Variants in MAP4K5 observed in about 807,000 individuals in gnomAD.
MAP4K5 encodes mitogen-activated protein kinase kinase kinase kinase 5.
Under a neutral mutation model 135.6 loss-of-function variants are expected in MAP4K5, and 82 were observed. The observed-to-expected ratio is 0.60, with a 90% CI of 0.51 to 0.73. The LOEUF is 0.73. MAP4K5 is among the 30% of genes least tolerant of loss of function. The pLI is 0.00. For synonymous variants in MAP4K5, 347 were observed against 335.0 expected, an observed-to-expected ratio of 1.04 and a Z score of -0.39; for missense variants, 907 against 1,010.9, an observed-to-expected ratio of 0.90 and a Z score of 1.39.
At chr14:50,473,104 T>C (rs1388902416) in intron 9 of MAP4K5, among the ~76,000 whole-genome samples, 4 of 152,186 alleles carry the variant, frequency 2.6e-5, no homozygotes, top group Admixed American at 2.0e-4. Flanking sequence ...TTTCTTTATA[T>C]GTCTAAAAGG....
intron 1 of MAP4K5, chr14:50,559,947 ATTTG>A (rs1334900235): frequency 2.0e-5 from 9 of 440,018 alleles, no homozygotes; most frequent in East Asian, 4.2e-5. Context: ...GGTGCTGTTT[ATTTG>A]TTTGTGTTTT....
intron 3 of MAP4K5, among the ~76,000 whole-genome samples, chr14:50,491,869 T>C (rs2037491715): frequency 6.6e-6 from 1 of 151,928 alleles, no homozygotes; most frequent in African/African-American, 2.4e-5. Context: ...GTATTCTTTG[T>C]AGAGCCTGAG....
chr14:50,494,963 A>T (rs56683657), intron 3 of MAP4K5, among the ~76,000 whole-genome samples: 6,414 of 152,252 alleles, frequency 0.042, 146 homozygotes, highest in East Asian at 0.07. Context: ...AAGACCCCAA[A>T]TTATCAAACT....
chr14:50,462,641 A>T (rs376474336), intron 13 of MAP4K5, 24 bp downstream of exon 13: 36 of 1,493,792 alleles, frequency 2.4e-5, no homozygotes, highest in Middle Eastern at 1.7e-4. Context: ...ATTTTCAACT[A>T]TGAGACTGCA....
rs896071745 is a variant in MAP4K5, at chr14:50,476,027, G to A, written c.469+101C>T. 7 of 610,714 alleles carry A rather than the reference G, an allele frequency of 1.1e-5. No individual in the cohort carries two copies. In the South Asian group the frequency reaches 1.8e-4, roughly 16 times the overall value. The allele number at this position is 610,714 out of a possible 1,614,324, so 37.8% of individuals were successfully genotyped here. ...TTACTGCGACTCTTGATATGAAAAT[G>A]AAATCTGCATAATGTTAATTCTCAT... On this transcript the variant is annotated intron_variant, in intron 8 of 32. Coordinates refer to ENST00000682126, the MANE Select transcript of MAP4K5 (RefSeq NM_006575.6).
intron 11 of MAP4K5, 149 bp from the exon 12 acceptor site, chr14:50,464,282 T>C: frequency 1.8e-6 from 1 of 556,306 alleles, no homozygotes. Context: ...CGTGGAAACA[T>C]CTGTGTCAGT....
intron 28 of MAP4K5, among the ~76,000 whole-genome samples, chr14:50,431,306 G>A (rs1332623157): frequency 6.6e-6 from 1 of 151,874 alleles, no homozygotes; most frequent in Non-Finnish European, 1.5e-5. Flanking sequence ...ACAATGTGCA[G>A]GTTAGTTACA....
Position 50,476,251 on chromosome 14 carries a change from G to A in MAP4K5, c.426+8C>T. 6.7e-7 allele frequency: 1 copy of A among 1,493,920 alleles called. No homozygotes were observed. Among genetic ancestry groups the A allele is most frequent in the African/African-American group, 1.4e-5 (1 of 70,430 alleles). The allele number at this position is 1,493,920 out of a possible 1,614,324, so 92.5% of individuals were successfully genotyped here. A position where few individuals can be genotyped will look rare whatever the true frequency, so the allele number is the denominator to read the frequency against. ...AATTGGCAATTTAAATGTATTAAAT[G>A]AACTTACTTTGATATCTCTATGCAT... is the stretch of plus-strand genomic sequence containing the variant. On this transcript the variant is annotated splice_region_variant and intron_variant, in intron 7 of 32. Coordinates refer to ENST00000682126, the MANE Select transcript of MAP4K5 (RefSeq NM_006575.6).
intron 2 of MAP4K5, among the ~76,000 whole-genome samples, chr14:50,539,621 T>C (rs1168338945): frequency 2.0e-5 from 3 of 152,218 alleles, no homozygotes; most frequent in African/African-American, 7.2e-5. Flanking sequence ...TTTGAGCAGA[T>C]ATGAATGAGG....
chr14:50,528,266 T>C (rs2038309916), intron 2 of MAP4K5, among the ~76,000 whole-genome samples: 1 of 152,086 alleles, frequency 6.6e-6, no homozygotes, highest in Non-Finnish European at 1.5e-5. Flanking sequence ...AAGATTGAAC[T>C]CTCCCTCTTG....
Position 50,485,612 on chromosome 14 carries a change from G to A in MAP4K5, c.288C>T (p.Tyr96=). Residue 96 remains tyrosine, a synonymous_variant, in exon 5 of 33, where the codon TAC becomes TAT. Transcript: ENST00000682126. The stretch of plus-strand genomic sequence containing the variant: ...TATCTTGAAGTGATCCGCCACCACA[G>A]TATTCCATACAAATCCATAGTTTTT... ...SREKLWICME[Y]CGGGSLQDIY... is the part of the protein sequence containing the mutation. 1 of 1,550,006 alleles carries A rather than the reference G, an allele frequency of 6.5e-7. No homozygotes were observed. The highest frequency in any genetic ancestry group is 8.7e-7 in the Non-Finnish European group (1 of 1,143,844).
At chr14:50,449,208 A>G (rs2036428709) in intron 14 of MAP4K5, 1 of 165,428 alleles carries the variant, frequency 6.0e-6, no homozygotes. Context: ...GAGATGAACT[A>G]AGAAAAACTA....
intron 21 of MAP4K5, among the ~76,000 whole-genome samples, chr14:50,441,808 C>T (rs1023747674): frequency 4.7e-5 from 7 of 147,762 alleles, no homozygotes; most frequent in African/African-American, 1.8e-4. Context: ...ATATATATAC[C>T]CCCTCTGTCA....
chr14:50,493,435 A>T (rs1409340623), intron 3 of MAP4K5, among the ~76,000 whole-genome samples: 3 of 152,176 alleles, frequency 2.0e-5, no homozygotes, highest in African/African-American at 7.2e-5. Flanking sequence ...TATTTTCACT[A>T]ATCAATATTG....
chr14:50,516,308 G>C (rs1380985718), intron 2 of MAP4K5, among the ~76,000 whole-genome samples: 1 of 152,218 alleles, frequency 6.6e-6, no homozygotes, highest in East Asian at 1.9e-4. Context: ...CACACATTCT[G>C]TGGCGGGGAG....
At chr14:50,510,148 C>T (rs1389048755) in intron 2 of MAP4K5, among the ~76,000 whole-genome samples, 3 of 151,976 alleles carry the variant, frequency 2.0e-5, no homozygotes, top group Admixed American at 2.0e-4. Flanking sequence ...CTTTGAGGAA[C>T]CAAAAGAAAA....
chr14:50,550,363 C>A (rs1200224251), intron 1 of MAP4K5, among the ~76,000 whole-genome samples: 1 of 152,214 alleles, frequency 6.6e-6, no homozygotes, highest in East Asian at 1.9e-4. Flanking sequence ...CCCTACTGAA[C>A]ATCTGTGTTT....
At chr14:50,547,177 CAGTT>C (rs2038644544) in intron 1 of MAP4K5, among the ~76,000 whole-genome samples, 4 of 152,156 alleles carry the variant, frequency 2.6e-5, no homozygotes, top group Admixed American at 2.6e-4. Context: ...TCTAATATCT[CAGTT>C]CTCATGAGTC....
intron 2 of MAP4K5, among the ~76,000 whole-genome samples, chr14:50,542,055 G>T (rs910865018): frequency 1.6e-5 from 2 of 125,042 alleles, no homozygotes; most frequent in Admixed American, 9.0e-5. Flanking sequence ...AAAAGAATAT[G>T]CTGTTATCTG....
Sources: gnomAD v4.1 joint callset for allele counts (sites outside exome capture counted in the v4.1 genomes callset) on GRCh38, gnomAD v4.1.1 for gene constraint, MANE v1.5 for transcripts, NCBI Gene and HGNC (gene_info 2026-07-23, HGNC 2026-07-21) for gene names.